The following LINGO2 variants were observed in gnomAD, a reference collection of about 807,000 sequenced individuals.
The protein encoded by LINGO2 is leucine rich repeat and Ig domain containing 2, also known as leucine-rich repeat and immunoglobulin-like domain-containing nogo receptor-interacting protein 2.
Under a neutral mutation model 30.6 loss-of-function variants are expected in LINGO2, and 14 were observed. The ratio of observed to expected loss-of-function variants is 0.46; its 90% confidence interval spans 0.30 to 0.72. The LOEUF (loss-of-function observed/expected upper bound fraction) is 0.72, where lower values mean the gene tolerates loss of function less well. Among genes scored for constraint, LINGO2 ranks in the 30% least tolerant of loss-of-function variants. The pLI is 0.07. For missense variants in LINGO2, 729 were observed against 751.7 expected, an observed-to-expected ratio of 0.97 and a Z score of 0.35; for synonymous variants, 317 against 288.5, an observed-to-expected ratio of 1.10 and a Z score of -1.00.
chr9:28,630,345 T>G (rs1826879662), intron 1 of LINGO2, among the ~76,000 whole-genome samples: 1 of 152,130 alleles, frequency 6.6e-6, no homozygotes. Context: ...TTGGCTCATC[T>G]TTTTTTCTAT....
At chr9:29,190,590 T>TAAA in the LINGO2 span, among the ~76,000 whole-genome samples, 12 of 152,118 alleles carry the variant, frequency 7.9e-5, no homozygotes, top group Non-Finnish European at 1.8e-4. Context: ...TAAATTAAAA[T>TAAA]AAAATATGGC....
chr9:28,017,615 CACAA>C (rs1172233643), intron 4 of LINGO2, among the ~76,000 whole-genome samples: 3 of 152,028 alleles, frequency 2.0e-5, no homozygotes, highest in African/African-American at 4.8e-5. Context: ...TCCCTTAAGC[CACAA>C]ACAGAGTAAA....
At chr9:28,385,464 T>C (rs2134655584) in intron 2 of LINGO2, among the ~76,000 whole-genome samples, 3 of 152,282 alleles carry the variant, frequency 2.0e-5, no homozygotes, top group Middle Eastern at 6.8e-3. Context: ...TTCATGACTC[T>C]GCTCTGAATT....
At chr9:28,431,029 TGAGAGAGAGAGAGAGAGAGAGAGA>T (rs57751993) in intron 2 of LINGO2, among the ~76,000 whole-genome samples, 13 of 129,328 alleles carry the variant, frequency 1.0e-4, no homozygotes, top group Non-Finnish European at 1.8e-4. Context: ...GCATGAGTGA[TGAGAGAGAGAGAGAGAGAGAGAGA>T]GAGAGAGAGA....
chr9:28,498,060 C>T (rs1819717753), intron 1 of LINGO2, among the ~76,000 whole-genome samples: 1 of 152,152 alleles, frequency 6.6e-6, no homozygotes, highest in Admixed American at 6.5e-5. Flanking sequence ...AGGTGTCAGT[C>T]TGCCCCTACT....
At chr9:28,784,913 A>G in the LINGO2 span, among the ~76,000 whole-genome samples, 6 of 150,728 alleles carry the variant, frequency 4.0e-5, no homozygotes, top group East Asian at 1.2e-3. Flanking sequence ...GTGCCACTGC[A>G]CTCCAGCCTG....
chr9:28,895,749 C>A, the LINGO2 span, among the ~76,000 whole-genome samples: 1 of 151,902 alleles, frequency 6.6e-6, no homozygotes, highest in African/African-American at 2.4e-5. Context: ...GGAGGGAGAA[C>A]CGAGGGAGAC....
the LINGO2 span, among the ~76,000 whole-genome samples, chr9:28,944,914 A>C: frequency 6.6e-6 from 1 of 152,210 alleles, no homozygotes; most frequent in South Asian, 2.1e-4. Context: ...GAAGTTCTAC[A>C]AAACAGATGA....
intron 4 of LINGO2, among the ~76,000 whole-genome samples, chr9:28,224,723 T>C (rs966828597): frequency 1.3e-5 from 2 of 152,164 alleles, no homozygotes; most frequent in Non-Finnish European, 2.9e-5. Flanking sequence ...ATATAGCTTT[T>C]AATCCCTATG....
chr9:29,150,202 A>C, the LINGO2 span, among the ~76,000 whole-genome samples: 1 of 152,326 alleles, frequency 6.6e-6, no homozygotes, highest in African/African-American at 2.4e-5. Flanking sequence ...ACTAGGGCAA[A>C]AATCTAGCCA....
At chr9:28,869,656 G>A in the LINGO2 span, among the ~76,000 whole-genome samples, 1 of 151,984 alleles carries the variant, frequency 6.6e-6, no homozygotes, top group Non-Finnish European at 1.5e-5. Flanking sequence ...AGATGCATGA[G>A]AAATGGCTAG....
chr9:27,953,654 C>G (rs1318796521), intron 5 of LINGO2, among the ~76,000 whole-genome samples: 1 of 152,082 alleles, frequency 6.6e-6, no homozygotes, highest in Non-Finnish European at 1.5e-5. Context: ...CTTCCTGCTG[C>G]CATATGAGGA....
intron 2 of LINGO2, among the ~76,000 whole-genome samples, chr9:28,467,919 T>C (rs1051577377): frequency 2.6e-5 from 4 of 152,152 alleles, no homozygotes; most frequent in African/African-American, 9.6e-5. Flanking sequence ...TTATTTCCAA[T>C]GCTGAAATCA....
the LINGO2 span, among the ~76,000 whole-genome samples, chr9:29,173,037 A>C: frequency 6.6e-6 from 1 of 152,046 alleles, no homozygotes; most frequent in African/African-American, 2.4e-5. Flanking sequence ...GAAAATCACA[A>C]TTTGGGGTCT....
the LINGO2 span, among the ~76,000 whole-genome samples, chr9:28,933,361 T>C: frequency 6.6e-6 from 1 of 152,240 alleles, no homozygotes; most frequent in African/African-American, 2.4e-5. Context: ...ATATTCTCTT[T>C]AACCCTGAGT....
At chr9:28,478,801 A>G (rs1825823638) in intron 1 of LINGO2, among the ~76,000 whole-genome samples, 1 of 152,050 alleles carries the variant, frequency 6.6e-6, no homozygotes, top group South Asian at 2.1e-4. Context: ...CTTGCCTTGA[A>G]GATAAGTGTG....
At chr9:28,732,713 T>C in the LINGO2 span, among the ~76,000 whole-genome samples, 1 of 152,228 alleles carries the variant, frequency 6.6e-6, no homozygotes, top group African/African-American at 2.4e-5. Flanking sequence ...TTGTTTAATG[T>C]GCAATGCCCA....
chr9:29,166,839 T>C, the LINGO2 span, among the ~76,000 whole-genome samples: 6 of 152,076 alleles, frequency 3.9e-5, no homozygotes, highest in Non-Finnish European at 8.8e-5. Flanking sequence ...ACCTCAAAAT[T>C]CATTTAGATG....
intron 5 of LINGO2, among the ~76,000 whole-genome samples, chr9:28,005,759 C>T (rs1240228103): frequency 6.6e-6 from 1 of 151,808 alleles, no homozygotes; most frequent in Non-Finnish European, 1.5e-5. Context: ...GCAGCTTTGA[C>T]AGAACTGCAT....
Sources: allele counts gnomAD v4.1 joint callset (sites outside exome capture counted in the v4.1 genomes callset), GRCh38; gene constraint gnomAD v4.1.1; transcripts MANE v1.5; gene names NCBI Gene and HGNC (gene_info 2026-07-23, HGNC 2026-07-21).